Variants in XKR6 observed in about 807,000 individuals in gnomAD.
XKR6 encodes the protein XK-related protein 6.
In XKR6, 22 loss-of-function variants were observed where a neutral mutation model predicts 56.7. The observed-to-expected ratio is 0.39, with a 90% CI of 0.28 to 0.55. The LOEUF (loss-of-function observed/expected upper bound fraction) is 0.55, where lower values mean the gene tolerates loss of function less well. Ranked by LOEUF, XKR6 falls within the 20% of genes least tolerant of loss-of-function variation. The probability of loss-of-function intolerance (pLI) is 0.66; values close to 1 mark genes in which losing one functional copy is unlikely to be tolerated. For synonymous variants in XKR6, 524 were observed against 387.8 expected, an observed-to-expected ratio of 1.35 and a Z score of -4.13; for missense variants, 852 against 889.0, an observed-to-expected ratio of 0.96 and a Z score of 0.53.
chr8:10,993,617 G>A (rs991400019), intron 1 of XKR6, among the ~76,000 whole-genome samples: 1 of 152,214 alleles, frequency 6.6e-6, no homozygotes, highest in African/African-American at 2.4e-5. Flanking sequence ...GTACTAAGCA[G>A]GGGAGAGGCT....
chr8:11,125,078 G>C (rs923537047), intron 1 of XKR6, among the ~76,000 whole-genome samples: 4 of 140,814 alleles, frequency 2.8e-5, no homozygotes, highest in Non-Finnish European at 6.1e-5. Context: ...AACAGAGCAA[G>C]ACTCTGTCTC....
intron 1 of XKR6, among the ~76,000 whole-genome samples, chr8:11,152,831 G>T (rs988675247): frequency 2.4e-4 from 37 of 152,104 alleles, no homozygotes; most frequent in African/African-American, 8.7e-4. Flanking sequence ...TCAAAATTCT[G>T]AATGATGAGA....
intron 1 of XKR6, among the ~76,000 whole-genome samples, chr8:11,030,499 A>G (rs1341664510): frequency 6.6e-6 from 1 of 152,172 alleles, no homozygotes; most frequent in Non-Finnish European, 1.5e-5. Flanking sequence ...CGAAGTAAAA[A>G]GTAAGCCTAG....
chr8:10,968,143 A>C (rs1802285062), intron 1 of XKR6, among the ~76,000 whole-genome samples: 1 of 152,106 alleles, frequency 6.6e-6, no homozygotes, highest in African/African-American at 2.4e-5. Context: ...GGCAGGTGGG[A>C]GTCGCCTCTC....
At chr8:11,116,173 G>A (rs1266226829) in intron 1 of XKR6, among the ~76,000 whole-genome samples, 29 of 152,148 alleles carry the variant, frequency 1.9e-4, no homozygotes, top group Admixed American at 1.9e-3. Flanking sequence ...TGCAAGCAGT[G>A]AAACCCGTCC....
In XKR6 at chr8:10,946,492, T is replaced by C. The variant is rs546480453; in HGVS notation, c.765-21662A>G. 1.1e-4 allele frequency among the ~76,000 whole-genome samples: 17 copies of C among 152,048 alleles called. No homozygotes were observed. In the East Asian group the frequency reaches 3.1e-3, roughly 28 times the overall value. ...AGTGGGCTTATCATTAATGAATTTA[T>C]CTAAAACACTAAGGAGGTTCTTCAT... On this transcript the variant is annotated intron_variant, in intron 1 of 2. Transcript: ENST00000416569.
chr8:11,033,570 G>C (rs1293642236), intron 1 of XKR6, among the ~76,000 whole-genome samples: 1 of 152,154 alleles, frequency 6.6e-6, no homozygotes, highest in East Asian at 1.9e-4. Flanking sequence ...TGATTATGGT[G>C]ATGGTGATGA....
intron 1 of XKR6, among the ~76,000 whole-genome samples, chr8:10,956,693 G>C (rs982671659): frequency 3.3e-5 from 5 of 152,046 alleles, no homozygotes; most frequent in African/African-American, 1.2e-4. Context: ...GGGAAGCATC[G>C]TGCCAATGGT....
At position 10,922,366 on chromosome 8, in the gene XKR6, T is replaced by C. The variant is rs554073889; in HGVS notation, c.961+2268A>G. On this transcript the variant is annotated intron_variant, in intron 2 of 2. Coordinates refer to ENST00000416569, the MANE Select transcript of XKR6 (RefSeq NM_173683.4). ...CCCTGGGATCTGAGGGCAGGTTGGA[T>C]ATGGAGGCCTCACCAGGGAACCGGA... 2.6e-5 allele frequency among the ~76,000 whole-genome samples: 4 copies of C among 152,278 alleles called. No homozygotes were observed. The South Asian group carries it at 6.2e-4, about 24-fold the overall frequency.
chr8:10,980,584 G>A (rs1232670633), intron 1 of XKR6, among the ~76,000 whole-genome samples: 4 of 152,082 alleles, frequency 2.6e-5, no homozygotes, highest in Non-Finnish European at 5.9e-5. Flanking sequence ...ATCTATTATC[G>A]ATCTACCATG....
At chr8:11,194,407 G>A (rs1308939473) in intron 1 of XKR6, 1 of 152,190 alleles carries the variant, frequency 6.6e-6, no homozygotes, top group African/African-American at 2.4e-5. Context: ...GCAGTGGATT[G>A]TCTTTAGGCA....
chr8:11,145,307 A>C (rs940613549), intron 1 of XKR6, among the ~76,000 whole-genome samples: 1 of 152,176 alleles, frequency 6.6e-6, no homozygotes, highest in Middle Eastern at 3.2e-3. Flanking sequence ...GTTTCAGATA[A>C]GGAGGACTCA....
rs1454524132 is a variant in XKR6, at chr8:10,912,300, G to C, written c.961+12334C>G. 4.9e-5 allele frequency among the ~76,000 whole-genome samples: 3 copies of C among 61,802 alleles called. No individual in the cohort carries two copies. In the East Asian group the frequency reaches 1.9e-3, roughly 39 times the overall value. The allele number at this position is 61,802 out of a possible 152,430, so 40.5% of individuals were successfully genotyped here. A position where few individuals can be genotyped will look rare whatever the true frequency, so the allele number is the denominator to read the frequency against. ...TGGTGTGTATATACATATATAAAGA[G>C]AGGGTGTATATATATATATATATAT... On this transcript the variant is annotated intron_variant, in intron 2 of 2. Coordinates refer to ENST00000416569, the MANE Select transcript of XKR6 (RefSeq NM_173683.4).
chr8:11,090,070 T>C (rs1798015368), intron 1 of XKR6, among the ~76,000 whole-genome samples: 1 of 152,196 alleles, frequency 6.6e-6, no homozygotes, highest in Admixed American at 6.5e-5. Flanking sequence ...AAATGAATAT[T>C]TGCAATTTAT....
chr8:11,033,785 C>T (rs756886114), intron 1 of XKR6, among the ~76,000 whole-genome samples: 5 of 152,172 alleles, frequency 3.3e-5, no homozygotes, highest in African/African-American at 9.7e-5. Flanking sequence ...CAGGTCCACT[C>T]GTATCTTCAG....
intron 1 of XKR6, among the ~76,000 whole-genome samples, chr8:11,184,971 G>A (rs369248273): frequency 6.6e-6 from 1 of 152,264 alleles, no homozygotes; most frequent in South Asian, 2.1e-4. Flanking sequence ...TTACACAGTT[G>A]ATAAGAAAAA....
intron 2 of XKR6, among the ~76,000 whole-genome samples, chr8:10,916,291 A>G (rs1251057807): frequency 6.6e-6 from 1 of 152,234 alleles, no homozygotes; most frequent in Non-Finnish European, 1.5e-5. Flanking sequence ...TGCTGAGCTC[A>G]GATCCAATAC....
At chr8:10,995,987 A>T (rs913569141) in intron 1 of XKR6, among the ~76,000 whole-genome samples, 2 of 152,216 alleles carry the variant, frequency 1.3e-5, no homozygotes, top group Non-Finnish European at 2.9e-5. Flanking sequence ...TTCCTTGTTT[A>T]CATGATATAA....
intron 1 of XKR6, among the ~76,000 whole-genome samples, chr8:11,007,881 C>T (rs779015814): frequency 6.6e-6 from 1 of 151,866 alleles, no homozygotes; most frequent in Non-Finnish European, 1.5e-5. Context: ...GCACAACAAG[C>T]AGGCAGGGAG....
Sources: gnomAD v4.1 joint callset for allele counts (sites outside exome capture counted in the v4.1 genomes callset) on GRCh38, gnomAD v4.1.1 for gene constraint, MANE v1.5 for transcripts, NCBI Gene and HGNC (gene_info 2026-07-23, HGNC 2026-07-21) for gene names.